TGFBR3: variants seen among roughly 807,000 people sequenced by gnomAD.
TGFBR3 encodes transforming growth factor beta receptor type 3.
A neutral mutation model predicts 87.9 loss-of-function variants in TGFBR3; 46 were observed. The ratio of observed to expected loss-of-function variants is 0.52; its 90% CI spans 0.41 to 0.67. The LOEUF is 0.67. Ranked by LOEUF, TGFBR3 falls within the 30% of genes least tolerant of loss-of-function variation. The probability of loss-of-function intolerance (pLI) is 0.00; values close to 1 mark genes in which losing one functional copy is unlikely to be tolerated. For synonymous variants in TGFBR3, 381 were observed against 391.6 expected, an observed-to-expected ratio of 0.97 and a Z score of 0.32; for missense variants, 866 against 1,041.9, an observed-to-expected ratio of 0.83 and a Z score of 2.32.
At chr1:91,883,370 C>T (rs116758878) in intron 1 of TGFBR3, among the ~76,000 whole-genome samples, 1,668 of 152,236 alleles carry the variant, frequency 0.011, 29 homozygotes, top group African/African-American at 0.038. Flanking sequence ...TGTCCAGCCA[C>T]CATGGAGTTC....
chr1:91,694,637 A>C (rs1671370813), intron 16 of TGFBR3, among the ~76,000 whole-genome samples: 1 of 152,252 alleles, frequency 6.6e-6, no homozygotes, highest in Non-Finnish European at 1.5e-5. Flanking sequence ...CTTCCTCTTT[A>C]AATCAGCCAT....
At chr1:91,830,593 C>T (rs1270359724) in intron 2 of TGFBR3, among the ~76,000 whole-genome samples, 1 of 152,128 alleles carries the variant, frequency 6.6e-6, no homozygotes, top group Non-Finnish European at 1.5e-5. Context: ...GAGCTGCAGT[C>T]ATACCAGCCA....
chr1:91,867,814 T>C (rs72716469), intron 1 of TGFBR3, among the ~76,000 whole-genome samples: 1,865 of 152,320 alleles, frequency 0.012, 13 homozygotes, highest in Middle Eastern at 0.048. Flanking sequence ...ATTTAGCCCC[T>C]ACCACGCCCT....
intron 2 of TGFBR3, among the ~76,000 whole-genome samples, chr1:91,854,911 AC>A (rs1269254373): frequency 6.6e-6 from 1 of 152,060 alleles, no homozygotes; most frequent in Non-Finnish European, 1.5e-5. Flanking sequence ...GTGCCTGCCT[AC>A]CCCCAGAGGC....
chr1:91,902,357 C>T (rs1432845257), intron 1 of TGFBR3, among the ~76,000 whole-genome samples: 1 of 151,704 alleles, frequency 6.6e-6, no homozygotes, highest in African/African-American at 2.4e-5. Context: ...TAGCTCACTG[C>T]AGCCTCAAAC....
At chr1:91,837,018 T>C (rs1399393092) in intron 2 of TGFBR3, among the ~76,000 whole-genome samples, 4 of 152,050 alleles carry the variant, frequency 2.6e-5, no homozygotes, top group Admixed American at 6.5e-5. Context: ...CCCTTTTGTT[T>C]CCCCATTTTA....
At chr1:91,814,670 C>G (rs376016928) in intron 2 of TGFBR3, among the ~76,000 whole-genome samples, 1 of 152,232 alleles carries the variant, frequency 6.6e-6, no homozygotes, top group South Asian at 2.1e-4. Flanking sequence ...AGGCCGACAC[C>G]TACTTCTTCT....
intron 4 of TGFBR3, among the ~76,000 whole-genome samples, chr1:91,741,238 A>C (rs1310149447): frequency 6.6e-6 from 1 of 152,220 alleles, no homozygotes; most frequent in Non-Finnish European, 1.5e-5. Context: ...ATTTTCTAGA[A>C]TGGCTCACAG....
rs760530133 is a variant in TGFBR3 at position 91,695,736 on chromosome 1, C to T, written c.2373G>A (p.Ala791=). The T allele has an allele frequency of 8.7e-6, 14 of 1,614,142 alleles. No homozygotes were observed. The highest frequency in any genetic ancestry group is 2.2e-5 in the East Asian group (1 of 44,880). ...GTGCTCCGATCACAAAGGCTGCAAACGCAATGCCCATCACGGTTAGGGTGT... is the reference window on the plus strand; with the variant it reads ...GTGCTCCGATCACAAAGGCTGCAAATGCAATGCCCATCACGGTTAGGGTGT... ...GLDTLTVMGI[A]FAAFVIGALL... The change falls in exon 16 of 17, where the codon GCG becomes GCA. Residue 791 remains alanine (A), a synonymous_variant. Coordinates refer to ENST00000212355, the MANE Select transcript of TGFBR3 (RefSeq NM_003243.5).
chr1:91,897,910 G>C (rs915550832), intron 2 of TGFBR3, among the ~76,000 whole-genome samples: 2 of 151,690 alleles, frequency 1.3e-5, no homozygotes, highest in Non-Finnish European at 2.9e-5. Context: ...TATTACAGCC[G>C]GGCATCATGG....
At chr1:91,858,252 T>C (rs11576557) in intron 2 of TGFBR3, among the ~76,000 whole-genome samples, 115,083 of 152,002 alleles carry the variant, frequency 0.76, 46,062 homozygotes, top group Non-Finnish European at 0.89. Flanking sequence ...TCATCCAGAA[T>C]GCCCAAAAAA....
At chr1:91,851,985 C>CA (rs1333442382) in intron 2 of TGFBR3, among the ~76,000 whole-genome samples, 15 of 152,336 alleles carry the variant, frequency 9.8e-5, no homozygotes, top group Non-Finnish European at 1.9e-4. Context: ...TACAGTGGCT[C>CA]ACGCCTGTAA....
chr1:91,830,490 C>G (rs912033079), intron 2 of TGFBR3, among the ~76,000 whole-genome samples: 2 of 152,138 alleles, frequency 1.3e-5, no homozygotes, highest in Admixed American at 6.5e-5. Flanking sequence ...ACTGGTGCTG[C>G]AAGCAGCTGC....
rs976825721 is a variant in TGFBR3 at position 91,734,632 on chromosome 1, G to A, written c.568+144C>T. On this transcript the variant is annotated intron_variant, in intron 5 of 16. Transcript: ENST00000212355. The stretch of plus-strand genomic sequence containing the variant: ...AGGGAATATGGGGGGCGGTGGAGAG[G>A]CCTGGGGCCAAATGACCCCTCAGGT... 6.3e-5 allele frequency: 64 copies of A among 1,019,962 alleles called. No individual in the cohort carries two copies. In the Middle Eastern group the frequency reaches 9.0e-4, roughly 14 times the overall value. 63.2% of individuals were successfully genotyped at this position (1,019,962 alleles called of 1,614,324 possible). A position where few individuals can be genotyped will look rare whatever the true frequency, so the allele number is the denominator to read the frequency against.
intron 3 of TGFBR3, among the ~76,000 whole-genome samples, chr1:91,759,657 C>A (rs1269827805): frequency 6.6e-6 from 1 of 152,136 alleles, no homozygotes; most frequent in Admixed American, 6.5e-5. Context: ...TACTGGCTTT[C>A]CATACAGAGC....
intron 12 of TGFBR3, among the ~76,000 whole-genome samples, chr1:91,715,798 G>A (rs1283974358): frequency 1.1e-4 from 16 of 152,156 alleles, no homozygotes; most frequent in Admixed American, 8.5e-4. Flanking sequence ...TTTCAGTGGC[G>A]GCATGGACCC....
intron 2 of TGFBR3, among the ~76,000 whole-genome samples, chr1:91,821,328 C>CAAAAAA (rs35313779): frequency 1.3e-5 from 1 of 77,560 alleles, no homozygotes; most frequent in Non-Finnish European, 2.4e-5. Context: ...AAGACTGTCT[C>CAAAAAA]AAAAAAAAAA....
At chr1:91,902,143 CAT>C in intron 1 of TGFBR3, among the ~76,000 whole-genome samples, 1 of 152,264 alleles carries the variant, frequency 6.6e-6, no homozygotes, top group African/African-American at 2.4e-5. Flanking sequence ...TGCCCAAAGA[CAT>C]ATGTTTAATA....
At chr1:91,880,600 A>AAAAAAT (rs916078412) in intron 1 of TGFBR3, among the ~76,000 whole-genome samples, 1 of 152,120 alleles carries the variant, frequency 6.6e-6, no homozygotes, top group Non-Finnish European at 1.5e-5. Flanking sequence ...TCCGTCCCAA[A>AAAAAAT]AAAAATAAAA....
Sources: allele counts gnomAD v4.1 joint callset (sites outside exome capture counted in the v4.1 genomes callset), GRCh38; gene constraint gnomAD v4.1.1; transcripts MANE v1.5; gene names NCBI Gene and HGNC (gene_info 2026-07-23, HGNC 2026-07-21).